PTPRN2: variants seen among roughly 807,000 people sequenced by gnomAD.
PTPRN2 encodes the protein protein tyrosine phosphatase receptor type N2.
Under a neutral mutation model 118.8 loss-of-function variants are expected in PTPRN2, and 74 were observed. The ratio of observed to expected loss-of-function variants is 0.62; its 90% CI spans 0.52 to 0.76. PTPRN2 has a LOEUF of 0.76. PTPRN2 is among the 30% of genes least tolerant of loss of function. The probability of loss-of-function intolerance (pLI) is 0.00; values close to 1 mark genes in which losing one functional copy is unlikely to be tolerated. For missense variants in PTPRN2, 1,481 were observed against 1,394.4 expected (o/e 1.06, Z -0.99); for synonymous variants, 641 against 608.0 (o/e 1.05, Z -0.80).
chr7:157,837,379 C>T (rs935374279), intron 12 of PTPRN2, among the ~76,000 whole-genome samples: 4 of 151,552 alleles, frequency 2.6e-5, no homozygotes, highest in Non-Finnish European at 4.4e-5. Context: ...GGGCCAGGCT[C>T]TGAGGTTTAT....
At chr7:157,946,194 T>C (rs545559223) in intron 11 of PTPRN2, among the ~76,000 whole-genome samples, 22 of 152,190 alleles carry the variant, frequency 1.4e-4, no homozygotes, top group African/African-American at 2.9e-4. Flanking sequence ...TTTTCTAGTC[T>C]TGTGAAACAA....
At chr7:158,571,503 A>C (rs28694528) in intron 1 of PTPRN2, among the ~76,000 whole-genome samples, 1 of 140,232 alleles carries the variant, frequency 7.1e-6, no homozygotes, top group South Asian at 2.2e-4. Context: ...AAAAAAAAAC[A>C]AAAAAAAACA....
chr7:158,448,854 C>T (rs190800031), intron 2 of PTPRN2, among the ~76,000 whole-genome samples: 10 of 152,330 alleles, frequency 6.6e-5, no homozygotes, highest in African/African-American at 1.7e-4. Context: ...TCAGGAGCAA[C>T]GGCGTTGGGT....
intron 13 of PTPRN2, among the ~76,000 whole-genome samples, chr7:157,658,247 C>T (rs2952650): frequency 0.87 from 132,740 of 152,158 alleles, 58,108 homozygotes; most frequent in Admixed American, 0.91. Context: ...ATCAAAGAGT[C>T]TGCAGAAAAA....
intron 12 of PTPRN2, among the ~76,000 whole-genome samples, chr7:157,752,052 C>T (rs1801502234): frequency 1.3e-5 from 2 of 152,166 alleles, no homozygotes; most frequent in Non-Finnish European, 2.9e-5. Context: ...CTCTGGTCTT[C>T]AGGCTGCAAG....
At chr7:158,348,122 A>C (rs1807653312) in intron 2 of PTPRN2, among the ~76,000 whole-genome samples, 2 of 152,040 alleles carry the variant, frequency 1.3e-5, no homozygotes, top group African/African-American at 2.4e-5. Flanking sequence ...CTCTCTTTTC[A>C]TGCAGATTGG....
At chr7:157,909,386 TGG>T (rs546979204) in intron 11 of PTPRN2, among the ~76,000 whole-genome samples, 4 of 150,338 alleles carry the variant, frequency 2.7e-5, no homozygotes, top group Non-Finnish European at 5.9e-5. Flanking sequence ...CTCTATACAC[TGG>T]GGGGGGGAGG....
chr7:158,209,929 A>C (rs1246168281), intron 3 of PTPRN2, among the ~76,000 whole-genome samples: 1 of 152,214 alleles, frequency 6.6e-6, no homozygotes, highest in Non-Finnish European at 1.5e-5. Context: ...TGGAAATTAA[A>C]CAATATGCTT....
In PTPRN2 at chr7:157,953,819, G is replaced by C. The variant is rs965435286; in HGVS notation, c.1724-55082C>G. 6.6e-6 allele frequency among the ~76,000 whole-genome samples: 1 copy of C among 152,158 alleles called. No individual in the cohort carries two copies. Among genetic ancestry groups the C allele is most frequent in the African/African-American group, 2.4e-5 (1 of 41,430 alleles). On this transcript the variant is annotated intron_variant, in intron 11 of 22. Coordinates refer to ENST00000389418, the MANE Select transcript of PTPRN2 (RefSeq NM_002847.5). This position sits in a 1 kb window ranked among gnomAD's most constrained non-coding sequence, Gnocchi z 4.6. The stretch of plus-strand genomic sequence containing the variant: ...GTGAGGGCGACCGAGAAAGGAATGA[G>C]GGCATAAGAGCGGTGCTGGAGAAAT...
chr7:158,513,169 CTG>C (rs1472580561), intron 1 of PTPRN2, among the ~76,000 whole-genome samples: 1 of 152,208 alleles, frequency 6.6e-6, no homozygotes, highest in African/African-American at 2.4e-5. Context: ...ATGGCGCACA[CTG>C]AGTGTGTGGC....
Position 157,632,610 on chromosome 7 carries a change from C to T in PTPRN2, c.2197-11101G>A, listed in dbSNP as rs756080220. 8.5e-5 allele frequency among the ~76,000 whole-genome samples: 13 copies of T among 152,056 alleles called. No individual in the cohort carries two copies. Among genetic ancestry groups the T allele is most frequent in the Middle Eastern group, 3.2e-3 (1 of 316 alleles). On this transcript the variant is annotated intron_variant, in intron 14 of 22. Transcript: ENST00000389418. This position sits in a 1 kb window ranked among gnomAD's most constrained non-coding sequence, Gnocchi z 4.3. ...AGGGAGTGTGCGTAGGAGGGGGTGA[C>T]AGGGGTCACCTGCAGAAAGACTAAG...
At position 157,929,257 on chromosome 7, in the gene PTPRN2, C is replaced by T. The variant is rs372294771; in HGVS notation, c.1724-30520G>A. 5.3e-5 allele frequency among the ~76,000 whole-genome samples: 8 copies of T among 152,276 alleles called. No homozygotes were observed. In the East Asian group the frequency reaches 5.8e-4, roughly 11 times the overall value. On this transcript the variant is annotated intron_variant, in intron 11 of 22. Transcript: ENST00000389418. The surrounding 1 kb of genome is among the most constrained non-coding windows in gnomAD (Gnocchi z 4.4). The stretch of plus-strand genomic sequence containing the variant: ...AACCCACAGCCCCTCTTCCCCAGTA[C>T]GCCGTGGCAGCCTGCCATCCGCTCT...
At chr7:158,231,148 T>C (rs935887192) in intron 3 of PTPRN2, among the ~76,000 whole-genome samples, 1 of 152,116 alleles carries the variant, frequency 6.6e-6, no homozygotes, top group Admixed American at 6.6e-5. Context: ...GTGCCTGTGG[T>C]CTCAGCTACT....
intron 3 of PTPRN2, among the ~76,000 whole-genome samples, chr7:158,229,189 C>T (rs750319884): frequency 3.3e-5 from 5 of 151,680 alleles, no homozygotes; most frequent in Admixed American, 2.6e-4. Context: ...CATCTAGTGC[C>T]GAAAAGGAGA....
chr7:158,524,002 T>G (rs1451957786), intron 1 of PTPRN2, among the ~76,000 whole-genome samples: 1 of 54,680 alleles, frequency 1.8e-5, no homozygotes, highest in Non-Finnish European at 3.2e-5. Flanking sequence ...TGGAGTGGAG[T>G]CGTCTACCCT....
intron 12 of PTPRN2, among the ~76,000 whole-genome samples, chr7:157,686,535 C>A (rs937792326): frequency 1.3e-5 from 2 of 152,184 alleles, no homozygotes; most frequent in Non-Finnish European, 2.9e-5. Flanking sequence ...TGGTCCTCAG[C>A]GCCATCTCCC....
intron 9 of PTPRN2, among the ~76,000 whole-genome samples, chr7:158,116,294 A>G (rs560845084): frequency 6.6e-6 from 1 of 152,388 alleles, no homozygotes; most frequent in East Asian, 1.9e-4. Context: ...TTTTGGGAAG[A>G]TGGTGAGTAG....
chr7:158,463,085 A>G (rs1240559548), intron 2 of PTPRN2, among the ~76,000 whole-genome samples: 1 of 152,182 alleles, frequency 6.6e-6, no homozygotes, highest in Non-Finnish European at 1.5e-5. Context: ...AAAGCCCCAG[A>G]TGGGAGATGC....
At chr7:158,048,611 A>AC (rs1809056147) in intron 11 of PTPRN2, among the ~76,000 whole-genome samples, 1 of 150,334 alleles carries the variant, frequency 6.7e-6, no homozygotes, top group Non-Finnish European at 1.5e-5. Flanking sequence ...ATCATCAATC[A>AC]CATCACCACT....
Sources: allele counts gnomAD v4.1 joint callset (sites outside exome capture counted in the v4.1 genomes callset), GRCh38; gene constraint gnomAD v4.1.1; non-coding constraint Gnocchi (gnomAD v3.1); transcripts MANE v1.5; gene names NCBI Gene and HGNC (gene_info 2026-07-23, HGNC 2026-07-21).